Variants in CELF2 observed in about 807,000 individuals in gnomAD.
CELF2 encodes the protein CUGBP Elav-like family member 2.
A neutral mutation model predicts 62.6 loss-of-function variants in CELF2; 8 were observed. The observed-to-expected ratio is 0.13, with a 90% confidence interval of 0.07 to 0.23. The LOEUF is 0.23. CELF2 is among the 10% of genes least tolerant of loss of function. The probability of loss-of-function intolerance (pLI) is 1.00; values close to 1 mark genes in which losing one functional copy is unlikely to be tolerated. For synonymous variants in CELF2, 258 were observed against 250.0 expected (o/e 1.03, Z -0.30); for missense variants, 333 against 671.0 (o/e 0.50, Z 5.56).
chr10:11,022,772 C>A (rs1367065852), intron 1 of CELF2, among the ~76,000 whole-genome samples: 2 of 152,024 alleles, frequency 1.3e-5, no homozygotes, highest in Non-Finnish European at 2.9e-5. Flanking sequence ...TATGACCCAG[C>A]TCTTGGGCAA....
intron 1 of CELF2, among the ~76,000 whole-genome samples, chr10:11,007,018 T>C (rs1393174832): frequency 1.3e-5 from 2 of 152,230 alleles, no homozygotes; most frequent in Non-Finnish European, 1.5e-5. Context: ...GACTAGTGAA[T>C]TATAATTGAT....
intron 8 of CELF2, among the ~76,000 whole-genome samples, chr10:11,275,951 G>T (rs2085923037): frequency 6.6e-6 from 1 of 152,146 alleles, no homozygotes. Flanking sequence ...AAAAGGTGGG[G>T]GGAGAGAGCA....
chr10:10,501,001 A>G, the CELF2 span, among the ~76,000 whole-genome samples: 5 of 152,222 alleles, frequency 3.3e-5, no homozygotes, highest in Non-Finnish European at 7.3e-5. Context: ...GATGTGCCAT[A>G]GTTGGTTTAA....
chr10:10,532,603 C>G, the CELF2 span, among the ~76,000 whole-genome samples: 2 of 151,970 alleles, frequency 1.3e-5, no homozygotes, highest in African/African-American at 4.8e-5. Context: ...AATATCACAG[C>G]CTTGCTCCAG....
intron 1 of CELF2, among the ~76,000 whole-genome samples, chr10:11,135,793 A>T (rs1408009854): frequency 6.6e-6 from 1 of 152,154 alleles, no homozygotes; most frequent in East Asian, 1.9e-4. Flanking sequence ...AGGCAAAGGG[A>T]TAGGGCTAGC....
chr10:10,468,708 C>T, the CELF2 span, among the ~76,000 whole-genome samples: 13 of 151,996 alleles, frequency 8.6e-5, no homozygotes, highest in African/African-American at 2.9e-4. Context: ...TGTGGACCAT[C>T]TGCTGCTGTG....
rs111322703 is a variant in CELF2, at chr10:10,939,283, T to G, written c.89+19284T>G. 1.5e-3 allele frequency among the ~76,000 whole-genome samples: 223 copies of G among 148,452 alleles called. 1 individual carries two copies. Among genetic ancestry groups the G allele is most frequent in the African/African-American group, 5.6e-3 (214 of 38,438 alleles). Reference sequence around the variant, plus strand: ...CAAGTTCTTTTGTTTTGTGGTGTTGTTGTTGTTGTTGTTGTTGTTGTTGAG... The same window carrying G: ...CAAGTTCTTTTGTTTTGTGGTGTTGGTGTTGTTGTTGTTGTTGTTGTTGAG... On this transcript the variant is annotated intron_variant, in intron 2 of 13. Transcript: ENST00000636488.
the CELF2 span, among the ~76,000 whole-genome samples, chr10:10,569,238 A>T: frequency 1.3e-5 from 2 of 152,188 alleles, no homozygotes; most frequent in Admixed American, 6.5e-5. Context: ...ATGGACTCAC[A>T]GTTCCATCTG....
intron 1 of CELF2, among the ~76,000 whole-genome samples, chr10:10,873,053 C>A (rs1004577631): frequency 6.6e-6 from 1 of 152,132 alleles, no homozygotes; most frequent in Non-Finnish European, 1.5e-5. Flanking sequence ...GGTAAATGTA[C>A]ACACATCCTT....
At chr10:10,735,494 C>A in the CELF2 span, among the ~76,000 whole-genome samples, 1 of 152,064 alleles carries the variant, frequency 6.6e-6, no homozygotes, top group South Asian at 2.1e-4. Context: ...CCAAAAGCAA[C>A]TTTGGAACTA....
intron 1 of CELF2, among the ~76,000 whole-genome samples, chr10:10,916,053 G>A (rs939560261): frequency 1.2e-4 from 18 of 152,224 alleles, no homozygotes; most frequent in African/African-American, 4.3e-4. Context: ...CCTCAGGTGG[G>A]TTATGACAGA....
intron 1 of CELF2, among the ~76,000 whole-genome samples, chr10:11,143,937 C>T (rs950790930): frequency 2.6e-5 from 4 of 152,048 alleles, no homozygotes; most frequent in African/African-American, 9.7e-5. Flanking sequence ...GGAGACAGCT[C>T]TTTAAATATT....
chr10:10,756,925 T>G, the CELF2 span, among the ~76,000 whole-genome samples: 1 of 149,324 alleles, frequency 6.7e-6, no homozygotes, highest in Non-Finnish European at 1.5e-5. Flanking sequence ...AGGCAGATCA[T>G]GAGGTCAGGA....
chr10:11,015,560 C>T (rs7901515), upstream of CELF2, among the ~76,000 whole-genome samples: 40,430 of 152,106 alleles, frequency 0.27, 6,670 homozygotes, highest in Non-Finnish European at 0.38. The surrounding 1 kb of genome is among the most constrained non-coding windows in gnomAD (Gnocchi z 4.8). Flanking sequence ...CACCATATCC[C>T]ATGTAGAGTG....
At chr10:11,182,839 T>C (rs2073845449) in intron 2 of CELF2, among the ~76,000 whole-genome samples, 1 of 152,228 alleles carries the variant, frequency 6.6e-6, no homozygotes, top group Non-Finnish European at 1.5e-5. Flanking sequence ...TCCTGACTGC[T>C]GCCTTTCCTT....
the CELF2 span, among the ~76,000 whole-genome samples, chr10:10,502,020 C>T: frequency 6.6e-6 from 1 of 151,962 alleles, no homozygotes; most frequent in African/African-American, 2.4e-5. Context: ...GGTGTTATCA[C>T]CTGATTTTTC....
chr10:10,816,561 A>G (rs1442888813), intron 1 of CELF2, among the ~76,000 whole-genome samples: 1 of 152,360 alleles, frequency 6.6e-6, no homozygotes, highest in East Asian at 1.9e-4. Flanking sequence ...CTGTAAGAAG[A>G]AAGAGGAATA....
rs149781106 is a variant in CELF2, at chr10:11,081,983, C to A, written c.74+63820C>A. 1.7e-3 allele frequency among the ~76,000 whole-genome samples: 263 copies of A among 152,266 alleles called. 1 individual carries two copies. Among genetic ancestry groups the A allele is most frequent in the Non-Finnish European group, 3.2e-3 (219 of 68,020 alleles). On this transcript the variant is annotated intron_variant, in intron 1 of 12. Coordinates refer to ENST00000633077, the MANE Select transcript of CELF2 (RefSeq NM_001326342.2). ...TAACACATCACCCTGGCCTAGTTTT[C>A]GTTCCCTGGAGAGACTTGCAGATTT...
Position 11,211,436 on chromosome 10 carries a change from G to A in CELF2, c.272-5989G>A, listed in dbSNP as rs1304952162. ...GTCAGTTTTCTTAAGGGCAGAATGA[G>A]TTTAAAATCTGACCTCATATCATTG... On this transcript the variant is annotated intron_variant, in intron 2 of 12. Coordinates refer to ENST00000633077, the MANE Select transcript of CELF2 (RefSeq NM_001326342.2). This position sits in a 1 kb window ranked among gnomAD's most constrained non-coding sequence, Gnocchi z 4.8. 1.3e-5 allele frequency among the ~76,000 whole-genome samples: 2 copies of A among 152,176 alleles called. No individual in the cohort carries two copies. Among genetic ancestry groups the A allele is most frequent in the African/African-American group, 4.8e-5 (2 of 41,432 alleles).
Sources: gnomAD v4.1 joint callset for allele counts (sites outside exome capture counted in the v4.1 genomes callset) on GRCh38, gnomAD v4.1.1 for gene constraint, Gnocchi (gnomAD v3.1) non-coding constraint, MANE v1.5 for transcripts, NCBI Gene and HGNC (gene_info 2026-07-23, HGNC 2026-07-21) for gene names.